The following ARHGAP9 variants were observed in gnomAD, a reference collection of about 807,000 sequenced individuals.
ARHGAP9 encodes rho GTPase-activating protein 9.
ARHGAP9 carries 76 observed loss-of-function variants against 87.3 expected under a neutral mutation model. The observed-to-expected ratio is 0.87, with a 90% CI of 0.72 to 1.05. The LOEUF is 1.05. Ranked by LOEUF, ARHGAP9 falls within the 50% of genes least tolerant of loss-of-function variation. The pLI, the probability that ARHGAP9 is intolerant of heterozygous loss-of-function variation, is 0.00. For synonymous variants in ARHGAP9, 382 were observed against 394.9 expected (o/e 0.97, Z 0.39); for missense variants, 941 against 960.5 (o/e 0.98, Z 0.27).
chr12:57,474,770 G>A (rs1314180113), intron 13 of ARHGAP9, 67 bp from the exon 14 acceptor site: 3 of 1,607,530 alleles, frequency 1.9e-6, no homozygotes, highest in Non-Finnish European at 2.6e-6. Context: ...GGATATAAGG[G>A]TGGAGAGAAA....
intron 2 of ARHGAP9, 91 bp downstream of exon 2, chr12:57,479,000 G>T (rs1874645102): frequency 1.4e-6 from 2 of 1,470,366 alleles, no homozygotes; most frequent in South Asian, 2.5e-5. Context: ...GCTTGAGGGA[G>T]GGGGACCTCC....
In ARHGAP9 at chr12:57,474,484, A is replaced by G; in HGVS notation, c.1730-8T>C. 1.2e-6 allele frequency: 2 copies of G among 1,614,194 alleles called. No homozygotes were observed. Among genetic ancestry groups the G allele is most frequent in the Admixed American group, 1.7e-5 (1 of 60,016 alleles). On this transcript the variant is annotated splice_polypyrimidine_tract_variant and splice_region_variant and intron_variant, in intron 14 of 17. Transcript: ENST00000393791. ...CGGAGGTGACCGCACGCTCTGCAACATGAATGAGGAGAGATCAGGAGCTAA... is the reference window on the plus strand; with the variant it reads ...CGGAGGTGACCGCACGCTCTGCAACGTGAATGAGGAGAGATCAGGAGCTAA...
At chr12:57,473,484 C>T in intron 17 of ARHGAP9, 119 bp downstream of exon 17, 2 of 822,782 alleles carry the variant, frequency 2.4e-6, no homozygotes, top group Non-Finnish European at 4.1e-6. Context: ...TTGCCTGCTT[C>T]CTCACCTGCC....
Position 57,472,586 on chromosome 12 carries a change from T to A in ARHGAP9, c.2127A>T (p.Ala709=). 2 of 1,614,230 alleles carry A rather than the reference T, an allele frequency of 1.2e-6. No homozygotes were observed. The highest frequency in any genetic ancestry group is 1.7e-6 in the Non-Finnish European group (2 of 1,180,030). The change falls in exon 18 of 18, where the codon GCA becomes GCT. Residue 709 remains alanine, a synonymous_variant. Coordinates refer to ENST00000393791, the MANE Select transcript of ARHGAP9 (RefSeq NM_032496.4). Reference sequence around the variant, plus strand: ...GCTGCCCTGGGTAGAGAGCATGGGCTGCTGGGTCAGATGTCTCCTGCTCTG... The same window carrying A: ...GCTGCCCTGGGTAGAGAGCATGGGCAGCTGGGTCAGATGTCTCCTGCTCTG... The part of the protein sequence containing the change: ...FRPEQETSDP[A]AHALYPGQLV...
In ARHGAP9 at chr12:57,479,837, A is replaced by G. The variant is rs115525859; in HGVS notation, c.-126T>C. 234 of 1,506,210 alleles carry G rather than the reference A, an allele frequency of 1.6e-4. No individual in the cohort carries two copies. The African/African-American group carries it at 3.0e-3, about 19-fold the overall frequency. The allele number at this position is 1,506,210 out of a possible 1,614,324, so 93.3% of individuals were successfully genotyped here. A position where few individuals can be genotyped will look rare whatever the true frequency, so the allele number is the denominator to read the frequency against. On this transcript the variant is annotated 5_prime_UTR_variant, in exon 1 of 18. Transcript: ENST00000393791. ...ATAAGAAGAAAGAATCAGGTTCAAG[A>G]CAGAAACAGGGAGACACAAGGTTAA... is the stretch of plus-strand genomic sequence containing the variant.
At chr12:57,483,632 C>G (rs376408290), upstream of ARHGAP9, among the ~76,000 whole-genome samples, 1 of 152,212 alleles carries the variant, frequency 6.6e-6, no homozygotes, top group African/African-American at 2.4e-5. Flanking sequence ...ATCTTAGATT[C>G]TTTGCATATG....
chr12:57,476,034 C>G, intron 9 of ARHGAP9, 37 bp downstream of exon 9: 1 of 1,505,408 alleles, frequency 6.6e-7, no homozygotes, highest in Non-Finnish European at 8.9e-7. Context: ...GCCCTCGGGT[C>G]GGGTGGGGCC....
rs1873919468 is a variant in ARHGAP9 at position 57,476,878 on chromosome 12, T to C, written c.956A>G (p.Asp319Gly). ...APRPLPQLLD[D>G]PHEVEKSGLL... Reference sequence around the variant, plus strand: ...AAGAAATGGGAGATTCACATGGGGGTCGTCCAGGAGCTGCGGCAGAGGTCG... The same window carrying C: ...AAGAAATGGGAGATTCACATGGGGGCCGTCCAGGAGCTGCGGCAGAGGTCG... The change falls in exon 6 of 18, where the codon GAC becomes GGC. Residue 319 changes from aspartate to glycine, a missense_variant. By Grantham distance (94) the Asp-to-Gly change is moderately conservative (BLOSUM62 -1). Transcript: ENST00000393791. 1 of 1,612,304 alleles carries C rather than the reference T, an allele frequency of 6.2e-7. No individual in the cohort carries two copies.
chr12:57,476,848 T>C (rs1465997626), intron 6 of ARHGAP9, 23 bp downstream of exon 6: 3 of 1,606,820 alleles, frequency 1.9e-6, no homozygotes, highest in Non-Finnish European at 2.6e-6. Flanking sequence ...ATCTTGGCCT[T>C]CACAAAGAAA....
At position 57,477,186 on chromosome 12, in the gene ARHGAP9, G is replaced by A; in HGVS notation, c.840C>T (p.Asp280=). 2 of 1,612,730 alleles carry A rather than the reference G, an allele frequency of 1.2e-6. No individual in the cohort carries two copies. Among genetic ancestry groups the A allele is most frequent in the Non-Finnish European group, 1.7e-6 (2 of 1,179,268 alleles). The change falls in exon 5 of 18, where the codon GAC becomes GAT. Residue 280 remains aspartate, a synonymous_variant. Coordinates refer to ENST00000393791, the MANE Select transcript of ARHGAP9 (RefSeq NM_032496.4). ...LQPQAKGFRS[D]TGTPEPLDPQ... ...GGTCAAGCGGTTCTGGGGTCCCTGT[G>A]TCAGATCTGAAGCCCTTTGCCTGAG...
chr12:57,480,791 T>G, upstream of ARHGAP9: 1 of 1,550,524 alleles, frequency 6.4e-7, no homozygotes, highest in Admixed American at 2.0e-5. Flanking sequence ...GCCACTCCTC[T>G]TTTCCTCTTC....
intron 17 of ARHGAP9, 58 bp downstream of exon 17, chr12:57,473,545 G>C (rs1302631191): frequency 2.0e-6 from 3 of 1,495,148 alleles, no homozygotes. Flanking sequence ...CAGAGTCCCT[G>C]TGGCATTCCC....
chr12:57,475,531 C>T lies in ARHGAP9; in HGVS notation c.1396G>A (p.Glu466Lys), dbSNP rs1305233276. ...CGCAGCAGCGGCTTGGACACCAGCT[C>T]CGACTCCTCTTCTTCGTCCTCCCCG... ...SAGEDEEEES[E>K]LVSKPLLRLS... Residue 466 changes from glutamate (E) to lysine (K), a missense_variant, in exon 11 of 18, where the codon GAG (glutamate) becomes AAG (lysine). Transcript: ENST00000393791. 1.2e-6 allele frequency: 2 copies of T among 1,605,828 alleles called. No individual in the cohort carries two copies. Among genetic ancestry groups the T allele is most frequent in the Non-Finnish European group, 1.7e-6 (2 of 1,177,122 alleles).
Position 57,475,853 on chromosome 12 carries a change from G to A in ARHGAP9, c.1291C>T (p.Arg431Trp). ...TELRAWHRAL[R>W]TVIERLDREN... The stretch of plus-strand genomic sequence containing the variant: ...CTAACCAGCCGCTCGATGACAGTCC[G>A]CAGCGCGCGGTGCCAGGCTCGCAGC... The change falls in exon 10 of 18, where the codon CGG becomes TGG. Residue 431 changes from arginine to tryptophan, a missense_variant. Coordinates refer to ENST00000393791, the MANE Select transcript of ARHGAP9 (RefSeq NM_032496.4). 1 of 1,613,854 alleles carries A rather than the reference G, an allele frequency of 6.2e-7. No individual in the cohort carries two copies. Among genetic ancestry groups the A allele is most frequent in the Non-Finnish European group, 8.5e-7 (1 of 1,179,890 alleles).
upstream of ARHGAP9, among the ~76,000 whole-genome samples, chr12:57,482,889 G>A (rs1300191267): frequency 2.0e-5 from 3 of 151,212 alleles, no homozygotes; most frequent in African/African-American, 7.4e-5. Context: ...CCTGAGGTCA[G>A]GAGTTCAAGA....
At position 57,475,300 on chromosome 12, in the gene ARHGAP9, GA is replaced by G. The variant is rs1873159145; in HGVS notation, c.1542del (p.Leu515CysfsTer38). The G allele has an allele frequency of 6.3e-7, 1 of 1,593,746 alleles. No individual in the cohort carries two copies. Among genetic ancestry groups the G allele is most frequent in the Admixed American group, 1.7e-5 (1 of 57,172 alleles). ...GGCCCAGCCCCCTCACCTCGGAGCA[GA>G]CCCCGCTCCTGCAGGCTTTGTAAGG... Reference protein sequence around the residue: ...RPPLQSLQERGLLRDQVFGCQ... With the variant: ...RPPLQSLQERXLLRDQVFGCQ... On this transcript the variant is annotated frameshift_variant, in exon 12 of 18. Transcript: ENST00000393791. LOFTEE classifies it high-confidence loss of function.
chr12:57,476,621 T>A lies in ARHGAP9; in HGVS notation c.994A>T (p.Thr332Ser), dbSNP rs777376730. The A allele has an allele frequency of 5.0e-6, 8 of 1,614,074 alleles. No homozygotes were observed. Among genetic ancestry groups the A allele is most frequent in the Admixed American group, 1.7e-5 (1 of 60,016 alleles). The stretch of plus-strand genomic sequence containing the variant: ...TTGCGCCCCCCTTGGGCAATCTTGG[T>A]CATGTTGAGCAGACCCGACTTTTCC... The part of the protein sequence containing the change: ...EVEKSGLLNM[T>S]KIAQGGRKLR... Residue 332 changes from threonine (T) to serine (S), a missense_variant, in exon 7 of 18, where the codon ACC becomes TCC. Coordinates refer to ENST00000393791, the MANE Select transcript of ARHGAP9 (RefSeq NM_032496.4).
chr12:57,475,103 C>A, intron 12 of ARHGAP9, 130 bp from the exon 13 acceptor site: 1 of 1,125,532 alleles, frequency 8.9e-7, no homozygotes, highest in Admixed American at 2.3e-5. Flanking sequence ...CAAGGAAATA[C>A]ACTCCACCTC....
Position 57,472,284 on chromosome 12 carries a change from T to A in ARHGAP9, c.*233A>T, listed in dbSNP as rs953826469. ...TCAGAAAAAATACCATGCCACTTTATGTATTATTATGTTGGGGAGGAATGA... is the reference window on the plus strand; with the variant it reads ...TCAGAAAAAATACCATGCCACTTTAAGTATTATTATGTTGGGGAGGAATGA... On this transcript the variant is annotated 3_prime_UTR_variant, in exon 18 of 18. Transcript: ENST00000393791. The A allele has an allele frequency of 1.7e-6, 1 of 603,400 alleles. No individual in the cohort carries two copies. The highest frequency in any genetic ancestry group is 2.8e-6 in the Non-Finnish European group (1 of 354,554). The allele number at this position is 603,400 out of a possible 1,614,324, so 37.4% of individuals were successfully genotyped here. A position where few individuals can be genotyped will look rare whatever the true frequency, so the allele number is the denominator to read the frequency against.
Sources: allele counts gnomAD v4.1 joint callset (sites outside exome capture counted in the v4.1 genomes callset), GRCh38; gene constraint gnomAD v4.1.1; transcripts MANE v1.5; gene names NCBI Gene and HGNC (gene_info 2026-07-23, HGNC 2026-07-21).